The following TMEFF1 variants were observed in gnomAD, a reference collection of about 807,000 sequenced individuals.
TMEFF1 encodes the protein tomoregulin-1.
A neutral mutation model predicts 47.5 loss-of-function variants in TMEFF1; 20 were observed. The ratio of observed to expected loss-of-function variants is 0.42; its 90% CI spans 0.30 to 0.61. TMEFF1 has a LOEUF of 0.61. TMEFF1 is among the 20% of genes least tolerant of loss of function. The probability of loss-of-function intolerance (pLI) is 0.19; values close to 1 mark genes in which losing one functional copy is unlikely to be tolerated. For synonymous variants in TMEFF1, 162 were observed against 166.3 expected (o/e 0.97, Z 0.20); for missense variants, 411 against 471.1 (o/e 0.87, Z 1.18).
At chr9:100,556,072 C>G (rs962189146) in intron 7 of TMEFF1, among the ~76,000 whole-genome samples, 1 of 152,176 alleles carries the variant, frequency 6.6e-6, no homozygotes, top group African/African-American at 2.4e-5. Context: ...TATTTAATCC[C>G]CTCTGAGCTA....
chr9:100,498,903 TTTTATA>T (rs1837707643), intron 2 of TMEFF1, 29 bp downstream of exon 2: 2 of 1,595,040 alleles, frequency 1.3e-6, no homozygotes, highest in Non-Finnish European at 8.5e-7. Context: ...TTTTGAAAAG[TTTTATA>T]TTCTTCGTAT....
chr9:100,497,060 A>C (rs527846140), intron 1 of TMEFF1, among the ~76,000 whole-genome samples: 1 of 152,294 alleles, frequency 6.6e-6, no homozygotes, highest in South Asian at 2.1e-4. Context: ...ACCTTGTCCA[A>C]GTTCCTAGCA....
At chr9:100,552,172 T>G (rs1196590852) in intron 7 of TMEFF1, among the ~76,000 whole-genome samples, 1 of 152,182 alleles carries the variant, frequency 6.6e-6, no homozygotes, top group South Asian at 2.1e-4. Context: ...CTAGGGAATT[T>G]AGACTTTATT....
intron 9 of TMEFF1, among the ~76,000 whole-genome samples, chr9:100,573,984 A>G (rs1054315930): frequency 6.6e-6 from 1 of 152,244 alleles, no homozygotes; most frequent in Non-Finnish European, 1.5e-5. Flanking sequence ...GCCATTTAAT[A>G]TAGACTCAGA....
At chr9:100,526,955 CAAAAAAAAAAAAAAA>C (rs55736750) in intron 5 of TMEFF1, among the ~76,000 whole-genome samples, 1 of 38,982 alleles carries the variant, frequency 2.6e-5, no homozygotes, top group Non-Finnish European at 4.5e-5. Flanking sequence ...GCTAAAAATA[CAAAAAAAAAAAAAAA>C]AAAAAAAAAA....
chr9:100,569,761 C>T (rs1244388800), intron 8 of TMEFF1, among the ~76,000 whole-genome samples: 1 of 152,170 alleles, frequency 6.6e-6, no homozygotes. Flanking sequence ...AGCTGATTAA[C>T]ATATGCATTA....
chr9:100,550,257 CT>C (rs769312836), intron 7 of TMEFF1, 97 bp downstream of exon 7: 48 of 1,240,628 alleles, frequency 3.9e-5, no homozygotes, highest in Non-Finnish European at 5.1e-5. Context: ...ACACCTCTAA[CT>C]TTGCTCTCTA....
chr9:100,473,407 G>A lies in TMEFF1; in HGVS notation c.-138G>A. ...CCTGGCGGACGCTGCGGGTGGGGCG[G>A]GGATGCTGACGGGCTGCTCCCCGGC... is the stretch of plus-strand genomic sequence containing the variant. On this transcript the variant is annotated 5_prime_UTR_variant, in exon 1 of 10. Coordinates refer to ENST00000374879, the MANE Select transcript of TMEFF1 (RefSeq NM_003692.5). This position sits in a 1 kb window ranked among gnomAD's most constrained non-coding sequence, Gnocchi z 5.4. The A allele has an allele frequency of 1.7e-6, 1 of 572,746 alleles. No individual in the cohort carries two copies. The highest frequency in any genetic ancestry group is 2.5e-6 in the Non-Finnish European group (1 of 399,784). 35.5% of individuals were successfully genotyped at this position (572,746 alleles called of 1,614,324 possible). A position where few individuals can be genotyped will look rare whatever the true frequency, so the allele number is the denominator to read the frequency against.
chr9:100,576,747 A>G lies in TMEFF1; in HGVS notation c.*147A>G, dbSNP rs900954188. 5 of 939,798 alleles carry G rather than the reference A, an allele frequency of 5.3e-6. No homozygotes were observed. Among genetic ancestry groups the G allele is most frequent in the Non-Finnish European group, 7.7e-6 (5 of 648,264 alleles). 58.2% of individuals were successfully genotyped at this position (939,798 alleles called of 1,614,324 possible). ...CTCGTATTTAGAATATTCAGCTACG[A>G]CAGTTTTGGACTGTTTAGTAGTCTT... On this transcript the variant is annotated 3_prime_UTR_variant, in exon 10 of 10. Transcript: ENST00000374879.
At chr9:100,508,264 A>G (rs781201964) in intron 2 of TMEFF1, among the ~76,000 whole-genome samples, 18 of 152,098 alleles carry the variant, frequency 1.2e-4, no homozygotes, top group Non-Finnish European at 2.2e-4. Flanking sequence ...CATTTATGAT[A>G]TTTCTAACAT....
chr9:100,534,386 C>CT (rs142263587), intron 5 of TMEFF1, among the ~76,000 whole-genome samples: 2,951 of 152,230 alleles, frequency 0.019, 96 homozygotes, highest in African/African-American at 0.064. Context: ...GCAAATGTGA[C>CT]TATACCCACA....
intron 1 of TMEFF1, among the ~76,000 whole-genome samples, chr9:100,495,764 G>T (rs1053880155): frequency 1.3e-5 from 2 of 152,022 alleles, no homozygotes. Context: ...ACCTATTAAT[G>T]ATATAGGACC....
intron 3 of TMEFF1, among the ~76,000 whole-genome samples, chr9:100,510,870 T>C (rs544580245): frequency 2.6e-5 from 4 of 152,172 alleles, no homozygotes; most frequent in Non-Finnish European, 4.4e-5. Context: ...TACTGTGACC[T>C]GTAACCCCTA....
chr9:100,531,240 A>T (rs1242969634), intron 5 of TMEFF1, among the ~76,000 whole-genome samples: 1 of 152,132 alleles, frequency 6.6e-6, no homozygotes, highest in Non-Finnish European at 1.5e-5. Flanking sequence ...TGGCCAGGGC[A>T]ATTAGGCAGG....
chr9:100,491,192 T>A (rs1467197682), intron 1 of TMEFF1, among the ~76,000 whole-genome samples: 1 of 152,226 alleles, frequency 6.6e-6, no homozygotes, highest in East Asian at 1.9e-4. Flanking sequence ...TAAATGTTTC[T>A]GCTATTTTCA....
intron 5 of TMEFF1, among the ~76,000 whole-genome samples, chr9:100,541,812 A>G (rs1236753565): frequency 6.6e-6 from 1 of 152,192 alleles, no homozygotes. Context: ...TTTAATTCCT[A>G]TAATCCTTTT....
intron 5 of TMEFF1, among the ~76,000 whole-genome samples, chr9:100,519,647 CTTTTTTT>C (rs60569330): frequency 1.7e-4 from 11 of 65,168 alleles, no homozygotes; most frequent in South Asian, 7.0e-4. Flanking sequence ...TGCCCAGTGA[CTTTTTTT>C]TTTTTTTTTT....
chr9:100,482,163 CTCT>C (rs892835284), intron 1 of TMEFF1, among the ~76,000 whole-genome samples: 8 of 151,610 alleles, frequency 5.3e-5, no homozygotes, highest in Middle Eastern at 3.4e-3. Flanking sequence ...TTTCTGCCGA[CTCT>C]TCTTCTTCTT....
chr9:100,474,123 AG>A (rs752387018), intron 1 of TMEFF1, among the ~76,000 whole-genome samples: 2 of 96,598 alleles, frequency 2.1e-5, no homozygotes, highest in Non-Finnish European at 4.0e-5. Flanking sequence ...GGCCCCAGGC[AG>A]GGATCTGTGT....
Sources: gnomAD v4.1 joint callset for allele counts (sites outside exome capture counted in the v4.1 genomes callset) on GRCh38, gnomAD v4.1.1 for gene constraint, Gnocchi (gnomAD v3.1) non-coding constraint, MANE v1.5 for transcripts, NCBI Gene and HGNC (gene_info 2026-07-23, HGNC 2026-07-21) for gene names.